HECW2: variants seen among roughly 807,000 people sequenced by gnomAD.
The protein encoded by HECW2 is E3 ubiquitin-protein ligase HECW2.
HECW2 carries 61 observed loss-of-function variants against 175.2 expected under a neutral mutation model. The ratio of observed to expected loss-of-function variants is 0.35; its 90% confidence interval spans 0.28 to 0.43. The LOEUF (loss-of-function observed/expected upper bound fraction) is 0.43, where lower values mean the gene tolerates loss of function less well. Ranked by LOEUF, HECW2 falls within the 20% of genes least tolerant of loss-of-function variation. HECW2 has a pLI of 1.00. For synonymous variants in HECW2, 671 were observed against 731.0 expected (o/e 0.92, Z 1.32); for missense variants, 1,524 against 2,000.5 (o/e 0.76, Z 4.54).
chr2:196,343,521 T>C (rs1692838601), intron 3 of HECW2, 136 bp downstream of exon 3: 4 of 630,778 alleles, frequency 6.3e-6, no homozygotes, highest in East Asian at 2.7e-5. Flanking sequence ...TCTAAAACAA[T>C]ATATTTTCCA....
intron 1 of HECW2, among the ~76,000 whole-genome samples, chr2:196,503,652 C>A (rs954345477): frequency 6.6e-6 from 1 of 151,994 alleles, no homozygotes; most frequent in Non-Finnish European, 1.5e-5. Flanking sequence ...TGGTGTCTCC[C>A]CGTAACAGCA....
chr2:196,212,860 A>AT (rs1446315668), intron 28 of HECW2, among the ~76,000 whole-genome samples: 1 of 152,096 alleles, frequency 6.6e-6, no homozygotes, highest in Admixed American at 6.5e-5. Context: ...AGCATCTGTT[A>AT]TTTTTTTGTA....
chr2:196,420,470 T>C (rs980027971), intron 2 of HECW2, among the ~76,000 whole-genome samples: 2 of 152,158 alleles, frequency 1.3e-5, no homozygotes, highest in Admixed American at 6.5e-5. Context: ...CAAAATGAAA[T>C]AGAGAACACA....
intron 1 of HECW2, among the ~76,000 whole-genome samples, chr2:196,445,057 C>A (rs1696145044): frequency 6.6e-6 from 1 of 152,160 alleles, no homozygotes; most frequent in Admixed American, 6.6e-5. Context: ...GAGCACCCAG[C>A]CAGAAGGCAA....
intron 2 of HECW2, among the ~76,000 whole-genome samples, chr2:196,414,172 G>A (rs1338207937): frequency 2.0e-5 from 3 of 152,164 alleles, no homozygotes; most frequent in African/African-American, 4.8e-5. Flanking sequence ...CTTCAAAAGT[G>A]GTTCTCTCCA....
In HECW2 at chr2:196,266,350, A is replaced by G. The variant is rs371053649; in HGVS notation, c.3335+4843T>C. Among the ~76,000 whole-genome samples the G allele has an allele frequency of 3.2e-4, 48 of 152,134 alleles. No homozygotes were observed. The East Asian group carries it at 5.2e-3, about 17-fold the overall frequency. Reference sequence around the variant, plus strand: ...CAACAGAGTGAGACCCCCTGCCTCAAAAGAAAAAAAAAAAGGTGTCTTTAA... The same window carrying G: ...CAACAGAGTGAGACCCCCTGCCTCAGAAGAAAAAAAAAAAGGTGTCTTTAA... On this transcript the variant is annotated intron_variant, in intron 17 of 28. Coordinates refer to ENST00000644978, the MANE Select transcript of HECW2 (RefSeq NM_001348768.2).
intron 1 of HECW2, among the ~76,000 whole-genome samples, chr2:196,441,357 C>T (rs1329341448): frequency 3.8e-5 from 4 of 106,486 alleles, no homozygotes; most frequent in African/African-American, 1.5e-4. Context: ...TTCCAAAAGA[C>T]ACAACATACA....
chr2:196,212,077 T>C (rs563067802), intron 28 of HECW2, among the ~76,000 whole-genome samples: 32 of 152,284 alleles, frequency 2.1e-4, no homozygotes, highest in African/African-American at 7.5e-4. Context: ...CCTCAGGCAA[T>C]CCGTCCGCCT....
At chr2:196,575,189 C>A (rs949691293) in intron 1 of HECW2, among the ~76,000 whole-genome samples, 1 of 149,844 alleles carries the variant, frequency 6.7e-6, no homozygotes, top group Non-Finnish European at 1.5e-5. Context: ...ACATCACTAA[C>A]CACCAGAGAA....
At chr2:196,494,439 G>C (rs1485718897) in intron 1 of HECW2, among the ~76,000 whole-genome samples, 1 of 152,182 alleles carries the variant, frequency 6.6e-6, no homozygotes, top group South Asian at 2.1e-4. Flanking sequence ...AGATTCAAGA[G>C]ATATTTTCAA....
At chr2:196,579,163 A>G (rs1338141381) in intron 1 of HECW2, among the ~76,000 whole-genome samples, 2 of 151,198 alleles carry the variant, frequency 1.3e-5, no homozygotes, top group Non-Finnish European at 1.5e-5. Context: ...AGTTAATTGT[A>G]ATCCCCAGAG....
chr2:196,308,287 T>A, intron 10 of HECW2: 1 of 388,534 alleles, frequency 2.6e-6, no homozygotes, highest in Non-Finnish European at 4.5e-6. Flanking sequence ...ATCCTGTGCA[T>A]ATAATACCAG....
At chr2:196,315,050 A>T (rs989022929) in intron 10 of HECW2, among the ~76,000 whole-genome samples, 20 of 152,138 alleles carry the variant, frequency 1.3e-4, no homozygotes, top group African/African-American at 4.3e-4. Flanking sequence ...ACAGAGCTGA[A>T]CAGCAATCAG....
At chr2:196,532,860 C>G (rs1442136158) in intron 1 of HECW2, among the ~76,000 whole-genome samples, 8 of 152,104 alleles carry the variant, frequency 5.3e-5, no homozygotes, top group African/African-American at 1.9e-4. Flanking sequence ...AGGAGGGACA[C>G]ATTAATTTGG....
At chr2:196,318,151 C>T (rs997155843) in intron 9 of HECW2, among the ~76,000 whole-genome samples, 2 of 152,130 alleles carry the variant, frequency 1.3e-5, no homozygotes, top group Admixed American at 1.3e-4. Flanking sequence ...CCAATAGAGA[C>T]CCATTATTTA....
At chr2:196,272,893 TA>T (rs71410609) in intron 16 of HECW2, among the ~76,000 whole-genome samples, 86,207 of 151,240 alleles carry the variant, frequency 0.57, 28,352 homozygotes, top group South Asian at 0.76. Flanking sequence ...AGTAATAACA[TA>T]AAAAAAAACC....
intron 1 of HECW2, among the ~76,000 whole-genome samples, chr2:196,451,003 C>T (rs1696329935): frequency 6.6e-6 from 1 of 151,746 alleles, no homozygotes; most frequent in African/African-American, 2.4e-5. Context: ...TTCTATTTCC[C>T]ATAAAATTTA....
chr2:196,455,919 A>C lies in HECW2; in HGVS notation c.-35-22461T>G, dbSNP rs1696496767. ...ATTAGAACACCATTTGCAATAAAAAATATTGAGCCCTTTAACTTTAAGGAT... is the reference window on the plus strand; with the variant it reads ...ATTAGAACACCATTTGCAATAAAAACTATTGAGCCCTTTAACTTTAAGGAT... On this transcript the variant is annotated intron_variant, in intron 1 of 28. Coordinates refer to ENST00000644978, the MANE Select transcript of HECW2 (RefSeq NM_001348768.2). 1.3e-5 allele frequency among the ~76,000 whole-genome samples: 2 copies of C among 152,232 alleles called. 1 individual carries two copies. Among genetic ancestry groups the C allele is most frequent in the South Asian group, 4.1e-4 (2 of 4,820 alleles).
intron 1 of HECW2, among the ~76,000 whole-genome samples, chr2:196,484,893 C>T (rs1249467622): frequency 1.3e-5 from 2 of 152,134 alleles, no homozygotes; most frequent in Non-Finnish European, 2.9e-5. Flanking sequence ...AGATTCAATG[C>T]GGTAAGCAAC....
Sources: allele counts gnomAD v4.1 joint callset (sites outside exome capture counted in the v4.1 genomes callset), GRCh38; gene constraint gnomAD v4.1.1; transcripts MANE v1.5; gene names NCBI Gene and HGNC (gene_info 2026-07-23, HGNC 2026-07-21).